The following GPC5 variants were observed in gnomAD, a reference collection of about 807,000 sequenced individuals.
GPC5 encodes the protein glypican-5.
A neutral mutation model predicts 53.9 loss-of-function variants in GPC5; 47 were observed. The observed-to-expected ratio is 0.87, with a 90% CI of 0.69 to 1.11. GPC5 has a LOEUF of 1.11. GPC5 is among the 50% of genes most tolerant of loss of function. The pLI, the probability that GPC5 is intolerant of heterozygous loss-of-function variation, is 0.00. For synonymous variants in GPC5, 286 were observed against 263.3 expected, an observed-to-expected ratio of 1.09 and a Z score of -0.84; for missense variants, 748 against 713.1, an observed-to-expected ratio of 1.05 and a Z score of -0.56.
rs188621965 is a variant in GPC5 at position 92,747,631 on chromosome 13, C to T, written c.1562-118651C>T. Reference sequence around the variant, plus strand: ...CCTCCACATTAGCTTGCACACAAGTCTCTTAACGAAACCCATTGTAACTTG... The same window carrying T: ...CCTCCACATTAGCTTGCACACAAGTTTCTTAACGAAACCCATTGTAACTTG... On this transcript the variant is annotated intron_variant, in intron 7 of 7. Transcript: ENST00000377067. Among the ~76,000 whole-genome samples the T allele has an allele frequency of 5.8e-3, 876 of 152,268 alleles. 3 individuals are homozygous for T. The highest frequency in any genetic ancestry group is 9.7e-3 in the Non-Finnish European group (657 of 68,010).
intron 5 of GPC5, among the ~76,000 whole-genome samples, chr13:91,770,868 G>A (rs1157153621): frequency 6.6e-6 from 1 of 152,054 alleles, no homozygotes; most frequent in African/African-American, 2.4e-5. Flanking sequence ...CAATTTTTGT[G>A]TGGTATACAT....
chr13:92,571,378 AAAG>A (rs1412214911), intron 7 of GPC5, among the ~76,000 whole-genome samples: 1 of 152,162 alleles, frequency 6.6e-6, no homozygotes, highest in African/African-American at 2.4e-5. Context: ...GCAGTAAGTG[AAAG>A]AAGGAGCCAG....
At chr13:92,042,696 G>A (rs558650862) in intron 6 of GPC5, among the ~76,000 whole-genome samples, 3 of 152,174 alleles carry the variant, frequency 2.0e-5, no homozygotes, top group East Asian at 1.9e-4. Context: ...TGAGATATGC[G>A]AAAACAGGAA....
At chr13:92,594,064 G>C (rs776247916) in intron 7 of GPC5, among the ~76,000 whole-genome samples, 5 of 152,132 alleles carry the variant, frequency 3.3e-5, no homozygotes, top group Non-Finnish European at 7.3e-5. Context: ...AAATGGAGTG[G>C]TAGTAACTGA....
intron 2 of GPC5, among the ~76,000 whole-genome samples, chr13:91,457,528 A>G (rs1034536738): frequency 1.3e-5 from 2 of 152,014 alleles, no homozygotes; most frequent in African/African-American, 2.4e-5. Context: ...AGAACACTCA[A>G]TTTTTGGGGT....
At chr13:91,892,960 G>T (rs116426101) in intron 5 of GPC5, among the ~76,000 whole-genome samples, 1 of 151,868 alleles carries the variant, frequency 6.6e-6, no homozygotes, top group East Asian at 1.9e-4. Context: ...TAGATAAAAT[G>T]AGTCATCATT....
At chr13:91,658,632 A>G (rs778318459) in intron 2 of GPC5, among the ~76,000 whole-genome samples, 5 of 152,110 alleles carry the variant, frequency 3.3e-5, no homozygotes, top group Non-Finnish European at 5.9e-5. Context: ...CTCCCTGTTT[A>G]ATTACTGTTT....
intron 7 of GPC5, among the ~76,000 whole-genome samples, chr13:92,764,890 G>A (rs1875332286): frequency 1.3e-5 from 2 of 151,998 alleles, no homozygotes; most frequent in Admixed American, 1.3e-4. Flanking sequence ...TCATTACAAT[G>A]GATGAGCTAA....
chr13:91,500,999 G>A (rs777187665), intron 2 of GPC5, among the ~76,000 whole-genome samples: 8 of 152,036 alleles, frequency 5.3e-5, no homozygotes, highest in South Asian at 4.1e-4. Flanking sequence ...ACCTTCTGCC[G>A]TGATTGGGAG....
intron 7 of GPC5, among the ~76,000 whole-genome samples, chr13:92,385,319 T>C (rs1159331591): frequency 7.7e-6 from 1 of 130,578 alleles, no homozygotes; most frequent in African/African-American, 3.1e-5. Context: ...CCTATATATA[T>C]ACATATATAC....
intron 7 of GPC5, among the ~76,000 whole-genome samples, chr13:92,228,754 A>G (rs949363752): frequency 1.3e-5 from 2 of 152,118 alleles, no homozygotes; most frequent in Non-Finnish European, 2.9e-5. Flanking sequence ...ATACATACAC[A>G]CACACAAACA....
chr13:91,493,874 A>G (rs1466765525), intron 2 of GPC5, among the ~76,000 whole-genome samples: 3 of 149,988 alleles, frequency 2.0e-5, no homozygotes, highest in Admixed American at 1.3e-4. Flanking sequence ...TATATGCTGC[A>G]TTCTATTTTT....
At chr13:91,682,748 A>AT (rs2035536570) in intron 2 of GPC5, among the ~76,000 whole-genome samples, 1 of 152,168 alleles carries the variant, frequency 6.6e-6, no homozygotes, top group Non-Finnish European at 1.5e-5. Flanking sequence ...ACCATGCTGC[A>AT]TTTTATTTCA....
intron 5 of GPC5, among the ~76,000 whole-genome samples, chr13:91,784,232 T>C (rs952276695): frequency 6.6e-6 from 1 of 152,202 alleles, no homozygotes; most frequent in African/African-American, 2.4e-5. Flanking sequence ...AAATGTAGTA[T>C]AATTTTATTT....
intron 7 of GPC5, among the ~76,000 whole-genome samples, chr13:92,332,858 G>C (rs73629683): frequency 6.6e-6 from 1 of 152,248 alleles, no homozygotes; most frequent in African/African-American, 2.4e-5. Flanking sequence ...AATTAAAACT[G>C]CTGAGACTTC....
intron 6 of GPC5, among the ~76,000 whole-genome samples, chr13:92,030,721 G>A (rs1327576282): frequency 6.6e-6 from 1 of 152,130 alleles, no homozygotes; most frequent in Non-Finnish European, 1.5e-5. Flanking sequence ...AGACTGGCCC[G>A]TCTACTGGGA....
At chr13:92,392,673 C>G (rs1340941265) in intron 7 of GPC5, among the ~76,000 whole-genome samples, 1 of 152,022 alleles carries the variant, frequency 6.6e-6, no homozygotes, top group Admixed American at 6.6e-5. Flanking sequence ...GGTCTGATAG[C>G]CAATATTTGT....
chr13:91,672,866 G>A (rs1017205113), intron 2 of GPC5, among the ~76,000 whole-genome samples: 1 of 152,180 alleles, frequency 6.6e-6, no homozygotes, highest in Non-Finnish European at 1.5e-5. Flanking sequence ...GATAAGGCAA[G>A]TGTGGTACAA....
At chr13:92,419,978 G>A (rs949331202) in intron 7 of GPC5, among the ~76,000 whole-genome samples, 3 of 152,086 alleles carry the variant, frequency 2.0e-5, no homozygotes, top group African/African-American at 7.2e-5. Context: ...CCATTGTATA[G>A]TTATTCTTTT....
Sources: gnomAD v4.1 joint callset for allele counts (sites outside exome capture counted in the v4.1 genomes callset) on GRCh38, gnomAD v4.1.1 for gene constraint, MANE v1.5 for transcripts, NCBI Gene and HGNC (gene_info 2026-07-23, HGNC 2026-07-21) for gene names.